The following ABCC10 variants were observed in gnomAD, a reference collection of about 807,000 sequenced individuals.
ABCC10 encodes the protein ATP binding cassette subfamily C member 10.
Under a neutral mutation model 143.2 loss-of-function variants are expected in ABCC10, and 110 were observed. That is an observed-to-expected ratio of 0.77 (90% confidence interval 0.66 to 0.90). The LOEUF (loss-of-function observed/expected upper bound fraction) is 0.90, where lower values mean the gene tolerates loss of function less well. ABCC10 is among the 40% of genes least tolerant of loss of function. The pLI is 0.00. For missense variants in ABCC10, 1,700 were observed against 1,900.5 expected, an observed-to-expected ratio of 0.89 and a Z score of 1.96; for synonymous variants, 805 against 846.7, an observed-to-expected ratio of 0.95 and a Z score of 0.85.
chr6:43,444,081 T>G, intron 11 of ABCC10, 71 bp downstream of exon 11: 1 of 1,608,814 alleles, frequency 6.2e-7, no homozygotes, highest in Non-Finnish European at 8.5e-7. Flanking sequence ...CTACAACGGC[T>G]GCCCGCTCCT....
At chr6:43,430,447 A>G (rs1781003909) in intron 2 of ABCC10, among the ~76,000 whole-genome samples, 1 of 151,742 alleles carries the variant, frequency 6.6e-6, no homozygotes, top group South Asian at 2.1e-4. Context: ...CCTACAAATA[A>G]CTGTCATCAG....
chr6:43,446,100 G>A (rs1358791368), intron 15 of ABCC10, among the ~76,000 whole-genome samples, 158 bp downstream of exon 15: 1 of 152,156 alleles, frequency 6.6e-6, no homozygotes, highest in Non-Finnish European at 1.5e-5. Flanking sequence ...GGGAGGCAGA[G>A]TGGACCCCCA....
Position 43,428,114 on chromosome 6 carries a change from A to G in ABCC10, c.136A>G (p.Ser46Gly). The G allele has an allele frequency of 6.5e-7, 1 of 1,544,812 alleles. No homozygotes were observed. Among genetic ancestry groups the G allele is most frequent in the Non-Finnish European group, 8.7e-7 (1 of 1,146,598 alleles). The change falls in exon 2 of 22, where the codon AGT (serine) becomes GGT (glycine). Residue 46 changes from serine (S) to glycine (G), a missense_variant. Coordinates refer to ENST00000372530, the MANE Select transcript of ABCC10 (RefSeq NM_001198934.2). ...ALPHALLAVLSACYLGTPRSP... is the reference protein window; with the variant it reads ...ALPHALLAVLGACYLGTPRSP... Reference sequence around the variant, plus strand: ...GCCCCACGCGCTCCTCGCCGTGCTCAGTGCCTGTTACTTGGGCACCCCGAG... The same window carrying G: ...GCCCCACGCGCTCCTCGCCGTGCTCGGTGCCTGTTACTTGGGCACCCCGAG...
rs201970589 is a variant in ABCC10, at chr6:43,438,683, A to G, written c.2015A>G (p.Glu672Gly). ...AAGGGCTTTGGCCTGGCCACCCAGG[A>G]ACCCTGGATCCAGTTTGCCACCATC... ...LSKGFGLATQ[E>G]PWIQFATIRD... The change falls in exon 8 of 22, where the codon GAA becomes GGA. Residue 672 changes from glutamate (E) to glycine (G), a missense_variant. Glu to Gly is a moderately conservative substitution (Grantham distance 98, BLOSUM62 -2). Coordinates refer to ENST00000372530, the MANE Select transcript of ABCC10 (RefSeq NM_001198934.2). 1.9e-5 allele frequency: 30 copies of G among 1,614,096 alleles called. No individual in the cohort carries two copies. The highest frequency in any genetic ancestry group is 5.1e-6 in the Non-Finnish European group (6 of 1,180,040).
chr6:43,430,297 C>T (rs1236082788), intron 2 of ABCC10, among the ~76,000 whole-genome samples: 2 of 151,636 alleles, frequency 1.3e-5, no homozygotes, highest in Non-Finnish European at 2.9e-5. Flanking sequence ...CACTGTGTTA[C>T]ACAGGCTGGT....
chr6:43,427,834 G>C, intron 1 of ABCC10, 77 bp downstream of exon 1: 1 of 955,142 alleles, frequency 1.0e-6, no homozygotes, highest in Non-Finnish European at 1.7e-6. Flanking sequence ...GAATGGGCGG[G>C]GTCTGGCTTC....
At chr6:43,444,678 G>C (rs928616468) in intron 12 of ABCC10, 110 bp from the exon 13 acceptor site, 2 of 1,455,898 alleles carry the variant, frequency 1.4e-6, no homozygotes, top group African/African-American at 1.4e-5. Context: ...CAGGCCAGGC[G>C]GATGGAGATG....
In ABCC10 at chr6:43,427,591, G is replaced by A; in HGVS notation, c.-178G>A. 3.1e-6 allele frequency: 1 copy of A among 323,320 alleles called. No individual in the cohort carries two copies. The highest frequency in any genetic ancestry group is 5.9e-6 in the Non-Finnish European group (1 of 168,862). The allele number at this position is 323,320 out of a possible 1,614,324, so 20.0% of individuals were successfully genotyped here. ...CGGCTAGGTCTTCCAACCTCTAGGT[G>A]GGGTGCCAGCCGGGGCGGGCCCAGC... On this transcript the variant is annotated 5_prime_UTR_variant, in exon 1 of 22. Transcript: ENST00000372530.
chr6:43,432,735 A>G lies in ABCC10; in HGVS notation c.755A>G (p.His252Arg), dbSNP rs1467797288. 1 of 1,614,082 alleles carries G rather than the reference A, an allele frequency of 6.2e-7. No individual in the cohort carries two copies. Among genetic ancestry groups the G allele is most frequent in the Middle Eastern group, 1.6e-4 (1 of 6,062 alleles). Reference protein sequence around the residue: ...RQPQDICRLPHRLQPTYLARV... With the variant: ...RQPQDICRLPRRLQPTYLARV... ...CCTCAGGACATTTGCCGCCTCCCCC[A>G]CAGACTGCAGCCAACCTACCTGGCT... The change falls in exon 3 of 22, where the codon CAC (histidine) becomes CGC (arginine). Residue 252 changes from histidine (H) to arginine (R), a missense_variant. Physicochemically the swap from His to Arg is conservative, Grantham distance 29. Coordinates refer to ENST00000372530, the MANE Select transcript of ABCC10 (RefSeq NM_001198934.2).
chr6:43,441,111 A>G (rs985572716), intron 8 of ABCC10, among the ~76,000 whole-genome samples: 3 of 151,810 alleles, frequency 2.0e-5, no homozygotes, highest in East Asian at 1.9e-4. Context: ...TCACACACAC[A>G]AAAAAGTAAA....
chr6:43,450,417 T>C lies in ABCC10; in HGVS notation c.*326T>C. ...ATTCTGTGTATTAAAAAAATAATAT[T>C]TCTGGTGTGAGGCTGAGGTCTCCTC... is the stretch of plus-strand genomic sequence containing the variant. On this transcript the variant is annotated 3_prime_UTR_variant, in exon 22 of 22. Transcript: ENST00000372530. The surrounding 1 kb of genome is among the most constrained non-coding windows in gnomAD (Gnocchi z 4.5). 1 of 1,147,490 alleles carries C rather than the reference T, an allele frequency of 8.7e-7. No homozygotes were observed. Among genetic ancestry groups the C allele is most frequent in the Non-Finnish European group, 1.2e-6 (1 of 837,096 alleles). The allele number at this position is 1,147,490 out of a possible 1,614,324, so 71.1% of individuals were successfully genotyped here. A position where few individuals can be genotyped will look rare whatever the true frequency, so the allele number is the denominator to read the frequency against.
intron 4 of ABCC10, 162 bp downstream of exon 4, chr6:43,435,010 A>G (rs1318518634): frequency 1.5e-6 from 1 of 675,772 alleles, no homozygotes; most frequent in African/African-American, 1.8e-5. Context: ...GGGGCCTTGG[A>G]TATATAACCC....
At chr6:43,431,926 C>T (rs1194393777) in intron 2 of ABCC10, 26 of 1,385,162 alleles carry the variant, frequency 1.9e-5, no homozygotes, top group South Asian at 3.8e-5. Flanking sequence ...TTCAGGTGGC[C>T]GGTTAGCTCA....
At chr6:43,442,486 G>T (rs1168335686) in intron 9 of ABCC10, among the ~76,000 whole-genome samples, 1 of 152,000 alleles carries the variant, frequency 6.6e-6, no homozygotes, top group African/African-American at 2.4e-5. Flanking sequence ...CAGGAGAATC[G>T]CTTGAACCCG....
intron 16 of ABCC10, 199 bp from the exon 17 acceptor site, chr6:43,447,049 T>C (rs1272155593): frequency 1.7e-5 from 13 of 786,704 alleles, no homozygotes; most frequent in Non-Finnish European, 2.1e-5. Flanking sequence ...GGTTTCACCA[T>C]GTTGGCCAGG....
intron 6 of ABCC10, 85 bp from the exon 7 acceptor site, chr6:43,437,849 G>A: frequency 7.3e-7 from 1 of 1,360,608 alleles, no homozygotes; most frequent in Non-Finnish European, 1.0e-6. Context: ...GGGAGGACTG[G>A]CAGCCCAGAG....
chr6:43,451,289 A>G, downstream of ABCC10: 1 of 1,610,606 alleles, frequency 6.2e-7, no homozygotes, highest in Non-Finnish European at 8.5e-7. This position sits in a 1 kb window ranked among gnomAD's most constrained non-coding sequence, Gnocchi z 4.4. Flanking sequence ...GGTAGGGGTG[A>G]GAGAGGACAT....
In ABCC10 at chr6:43,432,925, G is replaced by A; in HGVS notation, c.945G>A (p.Glu315=). The A allele has an allele frequency of 6.2e-7, 1 of 1,614,182 alleles. No individual in the cohort carries two copies. Among genetic ancestry groups the A allele is most frequent in the Non-Finnish European group, 8.5e-7 (1 of 1,180,032 alleles). The change falls in exon 3 of 22, where the codon GAG becomes GAA. Residue 315 remains glutamate, a synonymous_variant. Transcript: ENST00000372530. ...CCCTACTGGTGGGCTTCCTGGAAGA[G>A]GGGCAGGAGCCACTAAGCCACGGCC... ...LLSLLVGFLE[E]GQEPLSHGLL... is the part of the protein sequence containing the mutation.
At chr6:43,449,310 CT>C in intron 20 of ABCC10, 106 bp downstream of exon 20, 2 of 1,503,330 alleles carry the variant, frequency 1.3e-6, no homozygotes, top group Non-Finnish European at 1.8e-6. Context: ...GTTCATTTTC[CT>C]TTTAGAGCTG....
Sources: allele counts gnomAD v4.1 joint callset (sites outside exome capture counted in the v4.1 genomes callset), GRCh38; gene constraint gnomAD v4.1.1; non-coding constraint Gnocchi (gnomAD v3.1); transcripts MANE v1.5; gene names NCBI Gene and HGNC (gene_info 2026-07-23, HGNC 2026-07-21).